SLC7A9: variants seen among roughly 807,000 people sequenced by gnomAD.
SLC7A9 encodes the protein B(0,+)-type amino acid transporter 1.
A neutral mutation model predicts 54.1 loss-of-function variants in SLC7A9; 38 were observed. The ratio of observed to expected loss-of-function variants is 0.70; its 90% CI spans 0.54 to 0.92. The LOEUF (loss-of-function observed/expected upper bound fraction) is 0.92, where lower values mean the gene tolerates loss of function less well. Among genes scored for constraint, SLC7A9 ranks in the 40% least tolerant of loss-of-function variants. The pLI, the probability that SLC7A9 is intolerant of heterozygous loss-of-function variation, is 0.00. For synonymous variants in SLC7A9, 264 were observed against 258.9 expected (o/e 1.02, Z -0.19); for missense variants, 537 against 636.1 (o/e 0.84, Z 1.68).
At chr19:32,868,286 A>C (rs917338269) in intron 2 of SLC7A9, among the ~76,000 whole-genome samples, 162 bp downstream of exon 2, 3 of 151,954 alleles carry the variant, frequency 2.0e-5, no homozygotes, top group Non-Finnish European at 2.9e-5. Context: ...GGGAAAGAGA[A>C]GTAAGTCCAG....
At chr19:32,841,717 GC>G (rs1361538261) in intron 11 of SLC7A9, among the ~76,000 whole-genome samples, 1 of 152,156 alleles carries the variant, frequency 6.6e-6, no homozygotes, top group Non-Finnish European at 1.5e-5. Flanking sequence ...GACCAGCCCG[GC>G]CAACATGGTA....
At chr19:32,850,282 C>T (rs1419018263) in intron 9 of SLC7A9, among the ~76,000 whole-genome samples, 11 of 147,048 alleles carry the variant, frequency 7.5e-5, no homozygotes, top group South Asian at 2.2e-4. Flanking sequence ...TCTAGATAAC[C>T]CCATTGTCTC....
rs1449742499 is a variant in SLC7A9 at position 32,833,222 on chromosome 19, C to G, written c.1326G>C (p.Leu442=). The G allele has an allele frequency of 6.2e-6, 10 of 1,614,166 alleles. No homozygotes were observed. In the South Asian group the frequency reaches 1.1e-4, roughly 18 times the overall value. Reference sequence around the variant, plus strand: ...AAAATAAAAGGCCGCTTAATATAAACAGCACACAGTAGAGGTACTCCCAGG... The same window carrying G: ...AAAATAAAAGGCCGCTTAATATAAAGAGCACACAGTAGAGGTACTCCCAGG... ...KPTWEYLYCV[L]FILSGLLFYF... The change falls in exon 12 of 13, where the codon CTG becomes CTC. Residue 442 remains leucine (L), a synonymous_variant. Transcript: ENST00000023064.
At chr19:32,869,020 C>T (rs1969061269) in intron 1 of SLC7A9, among the ~76,000 whole-genome samples, 1 of 149,596 alleles carries the variant, frequency 6.7e-6, no homozygotes, top group African/African-American at 2.5e-5. Context: ...ACCAGCCTGG[C>T]TAACATGGCG....
chr19:32,858,608 A>C, intron 8 of SLC7A9, 65 bp from the exon 9 acceptor site: 1 of 1,344,804 alleles, frequency 7.4e-7, no homozygotes, highest in Non-Finnish European at 1.0e-6. Flanking sequence ...CCGGCCCCCA[A>C]AAGCTATTCT....
intron 11 of SLC7A9, 65 bp from the exon 12 acceptor site, chr19:32,833,388 G>A (rs964973707): frequency 1.3e-5 from 19 of 1,477,970 alleles, no homozygotes; most frequent in Middle Eastern, 3.6e-4. Flanking sequence ...ATAAAAAACC[G>A]ATTTTTATAA....
chr19:32,851,680 C>G (rs1952758257), intron 9 of SLC7A9, among the ~76,000 whole-genome samples: 2 of 152,022 alleles, frequency 1.3e-5, no homozygotes, highest in Admixed American at 1.3e-4. Flanking sequence ...GGTATATACC[C>G]AAAGGATTAT....
chr19:32,830,789 G>T, intron 12 of SLC7A9, 105 bp from the exon 13 acceptor site: 1 of 847,872 alleles, frequency 1.2e-6, no homozygotes, highest in Non-Finnish European at 1.9e-6. Context: ...CTTTGGTGAT[G>T]CGTCACCTAG....
rs201241670 is a variant in SLC7A9, at chr19:32,833,149, T to G, written c.1399A>C (p.Lys467Gln). 1 of 1,614,100 alleles carries G rather than the reference T, an allele frequency of 6.2e-7. No individual in the cohort carries two copies. Residue 467 changes from lysine (K) to glutamine (Q), a missense_variant and splice_region_variant, in exon 12 of 13, where the codon AAG becomes CAG. Lys to Gln is a moderately conservative substitution (Grantham distance 53). Transcript: ENST00000023064. ...AAGCGGCCCTTCTGTTGGTACTTAC[T>G]TGAGATTTTCTGAGCCCATCCAAAC... ...YKFGWAQKIS[K>Q]PITMHLQMLM...
intron 9 of SLC7A9, among the ~76,000 whole-genome samples, chr19:32,849,613 C>A (rs200698137): frequency 0.01 from 1,089 of 107,822 alleles, no homozygotes; most frequent in Admixed American, 0.014. Flanking sequence ...CAAGGAGGAG[C>A]TGGTACCATT....
At position 32,859,874 on chromosome 19, in the gene SLC7A9, G is replaced by A; in HGVS notation, c.840C>T (p.Ala280=). 1 of 1,614,150 alleles carries A rather than the reference G, an allele frequency of 6.2e-7. No homozygotes were observed. The highest frequency in any genetic ancestry group is 1.1e-5 in the South Asian group (1 of 91,080). Residue 280 remains alanine (A), a synonymous_variant, in exon 8 of 13, where the codon GCC becomes GCT. Coordinates refer to ENST00000023064, the MANE Select transcript of SLC7A9 (RefSeq NM_014270.5). The part of the protein sequence containing the change: ...MNVSYFTVMT[A]TELLQSQAVA... ...CCGCCTGGGACTGCAGGAGTTCGGT[G>A]GCAGTCATCACGGTGAAGTAGGACA...
intron 6 of SLC7A9, among the ~76,000 whole-genome samples, chr19:32,860,889 C>T (rs994046423): frequency 2.6e-5 from 4 of 152,164 alleles, no homozygotes; most frequent in Non-Finnish European, 4.4e-5. Context: ...GGGAATCACA[C>T]GGATTTTCAA....
intron 11 of SLC7A9, among the ~76,000 whole-genome samples, chr19:32,834,271 C>A (rs1041855321): frequency 6.6e-6 from 1 of 152,182 alleles, no homozygotes; most frequent in Non-Finnish European, 1.5e-5. Flanking sequence ...CAGAGCCAGA[C>A]GTGGGTTTTC....
chr19:32,833,385 A>C (rs1486174874), intron 11 of SLC7A9, 62 bp from the exon 12 acceptor site: 15 of 1,496,460 alleles, frequency 1.0e-5, no homozygotes, highest in African/African-American at 4.2e-5. Flanking sequence ...ATGATAAAAA[A>C]CCGATTTTTA....
At chr19:32,836,273 T>G (rs529690621) in intron 11 of SLC7A9, among the ~76,000 whole-genome samples, 6 of 152,144 alleles carry the variant, frequency 3.9e-5, no homozygotes, top group Non-Finnish European at 7.3e-5. Flanking sequence ...GGTCTTGAAC[T>G]CCTGACCTCA....
In SLC7A9 at chr19:32,858,416, G is replaced by C. The variant is rs200300201; in HGVS notation, c.977+24C>G. ...GCTTTCGCCGCCCCTGTCCACCCTG[G>C]GAGTGACGGTGGGGGTCCCCTACCT... is the stretch of plus-strand genomic sequence containing the variant. On this transcript the variant is annotated intron_variant, in intron 9 of 12. Coordinates refer to ENST00000023064, the MANE Select transcript of SLC7A9 (RefSeq NM_014270.5). 7.9e-6 allele frequency: 12 copies of C among 1,525,484 alleles called. No homozygotes were observed. In the South Asian group the frequency reaches 1.3e-4, roughly 17 times the overall value. 94.5% of individuals were successfully genotyped at this position (1,525,484 alleles called of 1,614,324 possible).
At chr19:32,860,267 C>T in intron 7 of SLC7A9, 1 of 1,395,480 alleles carries the variant, frequency 7.2e-7, no homozygotes, top group Non-Finnish European at 9.3e-7. Flanking sequence ...CATAAGAAAC[C>T]ATTCGCTGGC....
intron 9 of SLC7A9, among the ~76,000 whole-genome samples, chr19:32,851,245 A>G (rs1189646704): frequency 2.0e-5 from 3 of 151,834 alleles, no homozygotes; most frequent in Non-Finnish European, 2.9e-5. Context: ...GCAACCTACA[A>G]AATGGGAGAA....
intron 9 of SLC7A9, among the ~76,000 whole-genome samples, chr19:32,844,201 G>A (rs920492980): frequency 6.6e-6 from 1 of 152,142 alleles, no homozygotes; most frequent in East Asian, 1.9e-4. Flanking sequence ...AACACCTTGG[G>A]AGGCCAAGGC....
Sources: gnomAD v4.1 joint callset for allele counts (sites outside exome capture counted in the v4.1 genomes callset) on GRCh38, gnomAD v4.1.1 for gene constraint, MANE v1.5 for transcripts, NCBI Gene and HGNC (gene_info 2026-07-23, HGNC 2026-07-21) for gene names.